Variants in CTNNA2 observed in about 807,000 individuals in gnomAD.
The protein encoded by CTNNA2 is catenin alpha 2.
Under a neutral mutation model 101.0 loss-of-function variants are expected in CTNNA2, and 42 were observed. The ratio of observed to expected loss-of-function variants is 0.42; its 90% CI spans 0.32 to 0.54. The LOEUF (loss-of-function observed/expected upper bound fraction) is 0.54, where lower values mean the gene tolerates loss of function less well. Among genes scored for constraint, CTNNA2 ranks in the 20% least tolerant of loss-of-function variants. CTNNA2 has a pLI of 0.14. For missense variants in CTNNA2, 871 were observed against 1,223.1 expected, an observed-to-expected ratio of 0.71 and a Z score of 4.29; for synonymous variants, 450 against 456.4, an observed-to-expected ratio of 0.99 and a Z score of 0.18.
chr2:80,281,566 T>A (rs1395741107), intron 7 of CTNNA2, among the ~76,000 whole-genome samples: 1 of 152,052 alleles, frequency 6.6e-6, no homozygotes. Flanking sequence ...GCATCTGTCT[T>A]TATTCCCTCT....
At chr2:80,528,226 C>A (rs369231156) in intron 9 of CTNNA2, among the ~76,000 whole-genome samples, 2 of 152,148 alleles carry the variant, frequency 1.3e-5, no homozygotes, top group Admixed American at 1.3e-4. Flanking sequence ...GATGGAGTCT[C>A]GCTCAGTCGC....
chr2:80,024,928 A>G (rs1694840142), intron 7 of CTNNA2, among the ~76,000 whole-genome samples: 1 of 152,074 alleles, frequency 6.6e-6, no homozygotes, highest in Non-Finnish European at 1.5e-5. Flanking sequence ...TGTATGAGGA[A>G]GATTTTGTTG....
chr2:80,459,994 C>T (rs1684292544), intron 9 of CTNNA2, among the ~76,000 whole-genome samples: 2 of 152,264 alleles, frequency 1.3e-5, no homozygotes, highest in Admixed American at 6.5e-5. Context: ...ATTTCCTTTA[C>T]CCAGCGTTTA....
chr2:79,367,420 G>T (rs1677775075), intron 3 of CTNNA2, among the ~76,000 whole-genome samples: 1 of 152,196 alleles, frequency 6.6e-6, no homozygotes. Flanking sequence ...GAAATTGAAA[G>T]TGCAAAGGCC....
At chr2:80,188,116 C>A (rs1286321520) in intron 7 of CTNNA2, among the ~76,000 whole-genome samples, 2 of 152,096 alleles carry the variant, frequency 1.3e-5, no homozygotes, top group Non-Finnish European at 2.9e-5. Flanking sequence ...ACAATATTTT[C>A]GAATTTCATC....
intron 7 of CTNNA2, among the ~76,000 whole-genome samples, chr2:79,938,550 G>A (rs1025834144): frequency 2.0e-5 from 3 of 152,208 alleles, no homozygotes; most frequent in African/African-American, 7.2e-5. Flanking sequence ...CGAATTGTAA[G>A]AACAGCGAGC....
rs565473626 is a variant in CTNNA2, at chr2:80,419,675, C to T, written c.1290+74C>T. 1.1e-3 allele frequency: 1,530 copies of T among 1,429,256 alleles called. 5 individuals are homozygous for T. The highest frequency in any genetic ancestry group is 3.1e-3 in the South Asian group (232 of 75,160). 88.5% of individuals were successfully genotyped at this position (1,429,256 alleles called of 1,614,324 possible). ...TCTGCATATGGCTCTTAGAATTTCACTAGAGAGATATTCTATTGTATTTTT... is the reference window on the plus strand; with the variant it reads ...TCTGCATATGGCTCTTAGAATTTCATTAGAGAGATATTCTATTGTATTTTT... On this transcript the variant is annotated intron_variant, in intron 9 of 18. Coordinates refer to ENST00000402739, the MANE Select transcript of CTNNA2 (RefSeq NM_001282597.3).
At chr2:80,041,949 T>G (rs560637564) in intron 7 of CTNNA2, among the ~76,000 whole-genome samples, 7 of 152,224 alleles carry the variant, frequency 4.6e-5, no homozygotes, top group African/African-American at 1.4e-4. Flanking sequence ...TAGTGTTTTT[T>G]CTGTGTTTTT....
intron 3 of CTNNA2, among the ~76,000 whole-genome samples, chr2:79,755,285 A>G (rs575043197): frequency 6.6e-6 from 1 of 152,330 alleles, no homozygotes; most frequent in Non-Finnish European, 1.5e-5. Context: ...GAGCTATGAT[A>G]GAGCCACTGC....
intron 4 of CTNNA2, among the ~76,000 whole-genome samples, chr2:79,395,544 G>A (rs923057731): frequency 6.6e-6 from 1 of 152,030 alleles, no homozygotes; most frequent in Non-Finnish European, 1.5e-5. Context: ...TGTTGCCTTA[G>A]CACCCTATGG....
chr2:79,203,630 A>C (rs985324801), intron 2 of CTNNA2, among the ~76,000 whole-genome samples: 3 of 152,248 alleles, frequency 2.0e-5, no homozygotes, highest in African/African-American at 7.2e-5. Flanking sequence ...TAGTTTTTAA[A>C]TCAAATGCAA....
chr2:79,242,826 G>A (rs954006639), intron 2 of CTNNA2, among the ~76,000 whole-genome samples: 1 of 151,826 alleles, frequency 6.6e-6, no homozygotes, highest in African/African-American at 2.4e-5. Flanking sequence ...GCATCAGCCA[G>A]GCATGATGGT....
chr2:79,349,286 T>C (rs1456967041), intron 3 of CTNNA2, among the ~76,000 whole-genome samples: 1 of 152,190 alleles, frequency 6.6e-6, no homozygotes, highest in Non-Finnish European at 1.5e-5. Flanking sequence ...AAATAGTTAT[T>C]AGGTATCTCT....
At chr2:80,211,858 T>G (rs2149036748) in intron 7 of CTNNA2, among the ~76,000 whole-genome samples, 1 of 149,914 alleles carries the variant, frequency 6.7e-6, no homozygotes, top group Non-Finnish European at 1.5e-5. Context: ...AAGCGTGGAA[T>G]GTTCTTCCTT....
intron 1 of CTNNA2, among the ~76,000 whole-genome samples, chr2:79,525,369 A>T (rs1390638483): frequency 6.6e-6 from 1 of 152,008 alleles, no homozygotes; most frequent in Non-Finnish European, 1.5e-5. Context: ...TTCACTGATT[A>T]TACAAATTGA....
intron 7 of CTNNA2, among the ~76,000 whole-genome samples, chr2:80,005,174 G>A (rs1431485122): frequency 6.6e-6 from 1 of 152,196 alleles, no homozygotes; most frequent in Non-Finnish European, 1.5e-5. Flanking sequence ...CTGGCATAGA[G>A]CACAGACTCA....
intron 18 of CTNNA2, among the ~76,000 whole-genome samples, chr2:80,619,543 T>C: frequency 6.6e-6 from 1 of 151,926 alleles, no homozygotes; most frequent in East Asian, 1.9e-4. Flanking sequence ...TTTGTGAGCT[T>C]CACTAAGGAA....
chr2:79,472,129 C>A (rs1671005949), intron 4 of CTNNA2, among the ~76,000 whole-genome samples: 1 of 152,160 alleles, frequency 6.6e-6, no homozygotes, highest in African/African-American at 2.4e-5. Context: ...AAGTTATGTG[C>A]TTCCAAAACA....
intron 7 of CTNNA2, among the ~76,000 whole-genome samples, chr2:80,320,492 A>C (rs1364824698): frequency 6.6e-6 from 1 of 152,178 alleles, no homozygotes; most frequent in African/African-American, 2.4e-5. Flanking sequence ...CTCGCCTCAT[A>C]GAGTAATTGG....
Sources: allele counts gnomAD v4.1 joint callset (sites outside exome capture counted in the v4.1 genomes callset), GRCh38; gene constraint gnomAD v4.1.1; transcripts MANE v1.5; gene names NCBI Gene and HGNC (gene_info 2026-07-23, HGNC 2026-07-21).